SH3D19: variants seen among roughly 807,000 people sequenced by gnomAD.
SH3D19 encodes SH3 domain-containing protein 19.
In SH3D19, 58 loss-of-function variants were observed where a neutral mutation model predicts 112.1. The ratio of observed to expected loss-of-function variants is 0.52; its 90% CI spans 0.42 to 0.64. The LOEUF is 0.64. Among genes scored for constraint, SH3D19 ranks in the 30% least tolerant of loss-of-function variants. The probability of loss-of-function intolerance (pLI) is 0.00; values close to 1 mark genes in which losing one functional copy is unlikely to be tolerated. For synonymous variants in SH3D19, 391 were observed against 448.5 expected, an observed-to-expected ratio of 0.87 and a Z score of 1.62; for missense variants, 1,090 against 1,263.4, an observed-to-expected ratio of 0.86 and a Z score of 2.08.
intron 7 of SH3D19, among the ~76,000 whole-genome samples, chr4:151,167,643 C>T (rs984095069): frequency 6.6e-6 from 1 of 152,182 alleles, no homozygotes; most frequent in African/African-American, 2.4e-5. Flanking sequence ...CACTATTTTA[C>T]GGCTTCCGCC....
At chr4:151,160,339 A>G (rs1756938114) in intron 8 of SH3D19, among the ~76,000 whole-genome samples, 1 of 152,146 alleles carries the variant, frequency 6.6e-6, no homozygotes, top group African/African-American at 2.4e-5. Context: ...CGCCCGCCTC[A>G]GCCTCCCAAA....
chr4:151,261,762 C>T (rs17027487), intron 1 of SH3D19, among the ~76,000 whole-genome samples: 5,633 of 152,150 alleles, frequency 0.037, 317 homozygotes, highest in African/African-American at 0.13. Flanking sequence ...AGTGCTGAGA[C>T]CTTAAAAGTA....
At chr4:151,214,363 C>T (rs1456094802) in intron 2 of SH3D19, among the ~76,000 whole-genome samples, 1 of 146,246 alleles carries the variant, frequency 6.8e-6, no homozygotes, top group South Asian at 2.3e-4. Flanking sequence ...CATCATGGCC[C>T]GTTCTCAATG....
intron 12 of SH3D19, chr4:151,140,766 C>G (rs1368750316): frequency 6.6e-6 from 1 of 152,234 alleles, no homozygotes; most frequent in Non-Finnish European, 1.5e-5. Flanking sequence ...CTCTTGTCCC[C>G]TTAGAGACGT....
intron 2 of SH3D19, among the ~76,000 whole-genome samples, chr4:151,187,982 C>G (rs966174970): frequency 1.3e-5 from 2 of 152,108 alleles, no homozygotes; most frequent in African/African-American, 4.8e-5. Flanking sequence ...CTCCCTGTCT[C>G]TCTCTCCCCC....
intron 3 of SH3D19, among the ~76,000 whole-genome samples, chr4:151,184,501 G>A (rs538054474): frequency 2.6e-4 from 40 of 152,282 alleles, no homozygotes; most frequent in African/African-American, 8.9e-4. Flanking sequence ...GCGACTGACA[G>A]AAGAATTAAA....
intron 8 of SH3D19, among the ~76,000 whole-genome samples, chr4:151,164,787 C>T (rs1757714759): frequency 6.6e-6 from 1 of 152,068 alleles, no homozygotes; most frequent in African/African-American, 2.4e-5. Flanking sequence ...ACCATGTTGG[C>T]CAGGATAGTC....
chr4:151,182,996 T>TTC (rs1761186623), intron 3 of SH3D19, among the ~76,000 whole-genome samples: 1 of 150,562 alleles, frequency 6.6e-6, no homozygotes, highest in African/African-American at 2.4e-5. Context: ...CTTTTTCTTT[T>TTC]TTTTTTTCTT....
intron 19 of SH3D19, 122 bp downstream of exon 19, chr4:151,127,496 G>T: frequency 1.8e-6 from 1 of 559,408 alleles, no homozygotes; most frequent in Non-Finnish European, 3.0e-6. Context: ...TAGAATCAGG[G>T]CCTGAGATCT....
chr4:151,225,395 A>C (rs1768834552), intron 2 of SH3D19, among the ~76,000 whole-genome samples: 1 of 152,246 alleles, frequency 6.6e-6, no homozygotes, highest in Admixed American at 6.5e-5. Context: ...TATAAGTTTG[A>C]CAAGGATTTT....
intron 1 of SH3D19, among the ~76,000 whole-genome samples, chr4:151,321,591 C>A (rs1352567120): frequency 1.3e-5 from 2 of 152,112 alleles, no homozygotes; most frequent in African/African-American, 4.8e-5. Flanking sequence ...ATGTTTATCT[C>A]ATGGGTTTTC....
intron 15 of SH3D19, among the ~76,000 whole-genome samples, chr4:151,134,579 G>C (rs1751426382): frequency 6.6e-6 from 1 of 152,200 alleles, no homozygotes; most frequent in Non-Finnish European, 1.5e-5. Flanking sequence ...GTGAACACCA[G>C]ATGGCCAAAA....
intron 1 of SH3D19, among the ~76,000 whole-genome samples, chr4:151,313,332 A>G (rs17690642): frequency 0.015 from 2,332 of 152,314 alleles, 90 homozygotes; most frequent in East Asian, 0.098. Context: ...GTTACTTGTG[A>G]TATAAAGGAA....
intron 1 of SH3D19, among the ~76,000 whole-genome samples, chr4:151,234,895 C>T (rs1467230383): frequency 6.6e-6 from 1 of 151,476 alleles, no homozygotes; most frequent in Non-Finnish European, 1.5e-5. Context: ...AGGTATGTGC[C>T]ATCACACCCG....
rs1337264532 is a variant in SH3D19, at chr4:151,176,487, T to C, written c.529+47A>G. 6 of 1,227,936 alleles carry C rather than the reference T, an allele frequency of 4.9e-6. No individual in the cohort carries two copies. The African/African-American group carries it at 6.2e-5, about 13-fold the overall frequency. 76.1% of individuals were successfully genotyped at this position (1,227,936 alleles called of 1,614,324 possible). On this transcript the variant is annotated intron_variant, in intron 6 of 19. Coordinates refer to ENST00000604030, the MANE Select transcript of SH3D19 (RefSeq NM_001378122.1). ...AAAGGCTGGAAGCCTACGGATTACT[T>C]CCCTAGAACTAGGTCAGAATTAGGG...
In SH3D19 at chr4:151,175,383, G is replaced by A. The variant is rs1171954790; in HGVS notation, c.821C>T (p.Thr274Ile). ...GTTCATCACTGCCTGACTGTCTGAG[G>A]TGCTAGCGTTGTCCAGCAGAGACTG... ...RPQSLLDNAS[T>I]SDSQAVMNIM... Residue 274 changes from threonine (T) to isoleucine (I), a missense_variant, in exon 7 of 20, where the codon ACC becomes ATC. Thr to Ile is a moderately conservative substitution (Grantham distance 89, BLOSUM62 -1). Coordinates refer to ENST00000604030, the MANE Select transcript of SH3D19 (RefSeq NM_001378122.1). 2.5e-6 allele frequency: 4 copies of A among 1,583,680 alleles called. No individual in the cohort carries two copies. Among genetic ancestry groups the A allele is most frequent in the Non-Finnish European group, 3.4e-6 (4 of 1,165,048 alleles).
chr4:151,229,058 G>T (rs60212468), intron 1 of SH3D19, among the ~76,000 whole-genome samples: 11,662 of 139,832 alleles, frequency 0.083, 599 homozygotes, highest in East Asian at 0.2. Context: ...TTTTTGTAGA[G>T]ACAGGGTCTC....
intron 1 of SH3D19, among the ~76,000 whole-genome samples, chr4:151,230,870 T>A (rs1227829852): frequency 6.6e-6 from 1 of 151,968 alleles, no homozygotes; most frequent in Non-Finnish European, 1.5e-5. Context: ...TGAGCCACCA[T>A]CCCCGGCCAA....
At chr4:151,255,619 C>CG (rs1308455832) in intron 1 of SH3D19, among the ~76,000 whole-genome samples, 4 of 151,764 alleles carry the variant, frequency 2.6e-5, no homozygotes, top group African/African-American at 9.7e-5. Context: ...ACTTCCCAGA[C>CG]GGGGTGGCGG....
Sources: allele counts gnomAD v4.1 joint callset (sites outside exome capture counted in the v4.1 genomes callset), GRCh38; gene constraint gnomAD v4.1.1; transcripts MANE v1.5; gene names NCBI Gene and HGNC (gene_info 2026-07-23, HGNC 2026-07-21).